Variants in GTF2IRD1 observed in about 807,000 individuals in gnomAD.
GTF2IRD1 encodes the protein GTF2I repeat domain containing 1.
A neutral mutation model predicts 113.2 loss-of-function variants in GTF2IRD1; 26 were observed. That is an observed-to-expected ratio of 0.23 (90% CI 0.17 to 0.32). The LOEUF (loss-of-function observed/expected upper bound fraction) is 0.32. Among genes scored for constraint, GTF2IRD1 ranks in the 10% least tolerant of loss-of-function variants. GTF2IRD1 has a pLI of 1.00. For missense variants in GTF2IRD1, 864 were observed against 1,280.8 expected (o/e 0.67, Z 4.97); for synonymous variants, 484 against 529.1 (o/e 0.91, Z 1.17).
chr7:74,512,834 C>T lies in GTF2IRD1; in HGVS notation c.128C>T (p.Ser43Leu). 8.7e-6 allele frequency: 14 copies of T among 1,613,842 alleles called. No individual in the cohort carries two copies. Among genetic ancestry groups the T allele is most frequent in the South Asian group, 2.2e-5 (2 of 91,060 alleles). ...SLVSALDSMC[S>L]ALSKLNAEVA... ...CACAGCCTGCCCTTCCCACAGTGCT[C>T]AGCGCTGTCCAAACTGAACGCCGAG... Residue 43 changes from serine (S) to leucine (L), a missense_variant, in exon 3 of 27, where the codon TCA (serine) becomes TTA (leucine). Around this residue, in one of 7 missense-constraint regions of GTF2IRD1, gnomAD observed 182 missense variants for 266.6 expected, o/e 0.68. Transcript: ENST00000424337. The surrounding 1 kb of genome is among the most constrained non-coding windows in gnomAD (Gnocchi z 4.4).
At position 74,508,057 on chromosome 7, in the gene GTF2IRD1, C is replaced by T. The variant is rs1554341589; in HGVS notation, c.-6-18C>T. 5 of 1,596,836 alleles carry T rather than the reference C, an allele frequency of 3.1e-6. No individual in the cohort carries two copies. Among genetic ancestry groups the T allele is most frequent in the African/African-American group, 1.3e-5 (1 of 74,828 alleles). On this transcript the variant is annotated intron_variant, in intron 1 of 26. Coordinates refer to ENST00000424337, the MANE Select transcript of GTF2IRD1 (RefSeq NM_005685.4). The stretch of plus-strand genomic sequence containing the variant: ...CCCTGCCTTGTGCCCACCACCACTG[C>T]CTCCTCCCTCCCCACAGGCGACCAT...
intron 1 of GTF2IRD1, among the ~76,000 whole-genome samples, chr7:74,455,416 GCCAGGACTGTTGACT>G (rs1372912610): frequency 5.3e-5 from 8 of 152,208 alleles, no homozygotes; most frequent in African/African-American, 1.7e-4. Flanking sequence ...CTGCCCCGTG[GCCAGGACTGTTGACT>G]CCTTGGCACT....
Position 74,515,474 on chromosome 7 carries a change from A to G in GTF2IRD1, c.299A>G (p.His100Arg), listed in dbSNP as rs1584571422. The change falls in exon 4 of 27, where the codon CAC becomes CGC. Residue 100 changes from histidine (H) to arginine (R), a missense_variant. By Grantham distance (29) the His-to-Arg change is conservative. Around this residue, in one of 7 missense-constraint regions of GTF2IRD1, gnomAD observed 182 missense variants for 266.6 expected, o/e 0.68. Coordinates refer to ENST00000424337, the MANE Select transcript of GTF2IRD1 (RefSeq NM_005685.4). ...CCGTGGAAGGATCCGGAGGCAGAGC[A>G]CCCCAAGAAGGTGCAGCGGGGCGAG... ...GPPWKDPEAE[H>R]PKKVQRGEGG... The G allele has an allele frequency of 6.2e-7, 1 of 1,606,984 alleles. No individual in the cohort carries two copies. Among genetic ancestry groups the G allele is most frequent in the East Asian group, 2.2e-5 (1 of 44,768 alleles).
intron 25 of GTF2IRD1, 152 bp from the exon 26 acceptor site, chr7:74,600,892 C>G (rs1417389017): frequency 2.7e-6 from 2 of 735,818 alleles, no homozygotes; most frequent in African/African-American, 1.8e-5. Flanking sequence ...GGGCTCTGGA[C>G]AGGTGGGCCC....
chr7:74,576,970 G>A (rs1168122549), intron 22 of GTF2IRD1, among the ~76,000 whole-genome samples: 1 of 152,100 alleles, frequency 6.6e-6, no homozygotes, highest in Non-Finnish European at 1.5e-5. Context: ...TCAAAGAGCA[G>A]TGCCTGGCAC....
At chr7:74,471,405 A>G (rs1794072796) in intron 1 of GTF2IRD1, among the ~76,000 whole-genome samples, 1 of 152,066 alleles carries the variant, frequency 6.6e-6, no homozygotes, top group Non-Finnish European at 1.5e-5. Flanking sequence ...GCTACTCAAG[A>G]GGCTGAGCCG....
At position 74,589,620 on chromosome 7, in the gene GTF2IRD1, C is replaced by T. The variant is rs1293099404; in HGVS notation, c.2321-231C>T. 2.0e-5 allele frequency among the ~76,000 whole-genome samples: 3 copies of T among 151,882 alleles called. No individual in the cohort carries two copies. In the East Asian group the frequency reaches 5.8e-4, roughly 29 times the overall value. On this transcript the variant is annotated intron_variant, in intron 22 of 26. Transcript: ENST00000424337. ...GGTGAGGCAGGAGAATTCGCTTGAACCCAGAAGGCAGAGGTTGCAGTGAGC... is the reference window on the plus strand; with the variant it reads ...GGTGAGGCAGGAGAATTCGCTTGAATCCAGAAGGCAGAGGTTGCAGTGAGC...
chr7:74,539,650 A>G (rs1798509673), intron 13 of GTF2IRD1, among the ~76,000 whole-genome samples: 1 of 152,036 alleles, frequency 6.6e-6, no homozygotes, highest in South Asian at 2.1e-4. Flanking sequence ...AGGCTGAGGC[A>G]GGAGAATCGC....
At chr7:74,553,017 T>A (rs1285629394) in intron 17 of GTF2IRD1, among the ~76,000 whole-genome samples, 1 of 152,166 alleles carries the variant, frequency 6.6e-6, no homozygotes, top group Non-Finnish European at 1.5e-5. Context: ...TTTGTATTTT[T>A]AGTAGAGACG....
At chr7:74,557,144 G>A (rs1188661907) in intron 19 of GTF2IRD1, among the ~76,000 whole-genome samples, 1 of 152,162 alleles carries the variant, frequency 6.6e-6, no homozygotes, top group Admixed American at 6.5e-5. Context: ...TACTCAGAAG[G>A]CTGAAGCAGG....
Position 74,521,304 on chromosome 7 carries a change from C to G in GTF2IRD1, c.1006+7C>G, listed in dbSNP as rs782352939. 4 of 1,584,182 alleles carry G rather than the reference C, an allele frequency of 2.5e-6. No individual in the cohort carries two copies. The Admixed American group carries it at 6.7e-5, about 26-fold the overall frequency. Reference sequence around the variant, plus strand: ...ATCGTCCATGACAAGTCAGGTAGGACAGCGCCCACGAAGCACCCCGGCCTG... The same window carrying G: ...ATCGTCCATGACAAGTCAGGTAGGAGAGCGCCCACGAAGCACCCCGGCCTG... On this transcript the variant is annotated splice_region_variant and intron_variant, in intron 7 of 26. Coordinates refer to ENST00000424337, the MANE Select transcript of GTF2IRD1 (RefSeq NM_005685.4).
At chr7:74,524,265 C>T (rs183030700) in intron 8 of GTF2IRD1, 111 bp downstream of exon 8, 2 of 649,074 alleles carry the variant, frequency 3.1e-6, no homozygotes, top group East Asian at 2.9e-5. Flanking sequence ...TATGCTGGCT[C>T]CCGCGCGCCG....
chr7:74,576,611 CCTTGT>C (rs1801082283), intron 22 of GTF2IRD1, among the ~76,000 whole-genome samples: 2 of 126,650 alleles, frequency 1.6e-5, no homozygotes, highest in African/African-American at 2.9e-5. Context: ...AAATCTATTT[CCTTGT>C]CTTTTTTTTT....
intron 22 of GTF2IRD1, among the ~76,000 whole-genome samples, chr7:74,573,550 C>A (rs1800821419): frequency 6.6e-6 from 1 of 152,086 alleles, no homozygotes; most frequent in Admixed American, 6.6e-5. Flanking sequence ...CCCAAGCTGA[C>A]AAGAGCAACC....
chr7:74,572,506 A>G, intron 22 of GTF2IRD1: 1 of 821,310 alleles, frequency 1.2e-6, no homozygotes, highest in South Asian at 5.5e-5. Context: ...ACTGTCTTTG[A>G]TCTTGGATGA....
intron 22 of GTF2IRD1, among the ~76,000 whole-genome samples, chr7:74,577,836 C>T (rs1362968374): frequency 2.6e-5 from 4 of 151,980 alleles, no homozygotes; most frequent in Non-Finnish European, 4.4e-5. Flanking sequence ...TTATTTTTTA[C>T]TTTTGTAGAG....
chr7:74,568,175 G>T (rs1448151590), intron 22 of GTF2IRD1, among the ~76,000 whole-genome samples: 1 of 151,498 alleles, frequency 6.6e-6, no homozygotes, highest in East Asian at 1.9e-4. Flanking sequence ...GAGGAAGGAG[G>T]ATGGGGGGAA....
At chr7:74,461,563 G>A (rs1793364102) in intron 1 of GTF2IRD1, among the ~76,000 whole-genome samples, 1 of 152,088 alleles carries the variant, frequency 6.6e-6, no homozygotes, top group Non-Finnish European at 1.5e-5. Flanking sequence ...ACATGAGAAG[G>A]GCCCACTTTA....
At chr7:74,574,221 C>T (rs1019569376) in intron 22 of GTF2IRD1, among the ~76,000 whole-genome samples, 24 of 138,708 alleles carry the variant, frequency 1.7e-4, no homozygotes, top group Non-Finnish European at 2.7e-4. Context: ...AGGCTGGTCT[C>T]GAACTCCTGA....
Sources: allele counts gnomAD v4.1 joint callset (sites outside exome capture counted in the v4.1 genomes callset), GRCh38; gene constraint gnomAD v4.1.1; regional missense constraint gnomAD v4.1.1; non-coding constraint Gnocchi (gnomAD v3.1); transcripts MANE v1.5; gene names NCBI Gene and HGNC (gene_info 2026-07-23, HGNC 2026-07-21).